ZNF585A: variants seen among roughly 807,000 people sequenced by gnomAD.
The protein encoded by ZNF585A is zinc finger protein 585A.
ZNF585A carries 9 observed loss-of-function variants against 14.9 expected under a neutral mutation model. The ratio of observed to expected loss-of-function variants is 0.60; its 90% CI spans 0.36 to 1.05. ZNF585A has a LOEUF of 1.05. Ranked by LOEUF, ZNF585A falls within the 50% of genes least tolerant of loss-of-function variation. The pLI is 0.01. For synonymous variants in ZNF585A, 276 were observed against 319.9 expected, an observed-to-expected ratio of 0.86 and a Z score of 1.46; for missense variants, 726 against 926.4, an observed-to-expected ratio of 0.78 and a Z score of 2.81.
At chr19:37,168,065 C>G (rs941851112) in intron 2 of ZNF585A, among the ~76,000 whole-genome samples, 2 of 152,164 alleles carry the variant, frequency 1.3e-5, no homozygotes, top group African/African-American at 4.8e-5. Flanking sequence ...TTCATTTTTA[C>G]TTAATATAGT....
intron 2 of ZNF585A, among the ~76,000 whole-genome samples, chr19:37,159,896 T>C (rs2145407201): frequency 6.6e-6 from 1 of 152,298 alleles, no homozygotes; most frequent in Non-Finnish European, 1.5e-5. Context: ...CAGAGTTCTA[T>C]GTATAGACAG....
At chr19:37,156,954 A>G (rs1013341065) in intron 2 of ZNF585A, among the ~76,000 whole-genome samples, 2 of 152,194 alleles carry the variant, frequency 1.3e-5, no homozygotes, top group Non-Finnish European at 2.9e-5. Flanking sequence ...GGCCTCCCAA[A>G]GTGCTGGGAT....
Position 37,156,524 on chromosome 19 carries a change from C to A in ZNF585A, c.73-169G>T, listed in dbSNP as rs1437927747. Among the ~76,000 whole-genome samples the A allele has an allele frequency of 2.0e-5, 3 of 152,164 alleles. No homozygotes were observed. In the East Asian group the frequency reaches 5.8e-4, roughly 29 times the overall value. ...TTATGAAAATTTTCAAACATACCGA[C>A]AATTTAAAATAATTATGCAGTAAGA... On this transcript the variant is annotated intron_variant, in intron 2 of 4. Coordinates refer to ENST00000292841, the MANE Select transcript of ZNF585A (RefSeq NM_001288800.2).
chr19:37,170,960 A>T (rs1297427263), intron 1 of ZNF585A, among the ~76,000 whole-genome samples: 1 of 152,264 alleles, frequency 6.6e-6, no homozygotes, highest in East Asian at 1.9e-4. Flanking sequence ...AATAAAAACA[A>T]GTAAAACAAT....
At position 37,153,042 on chromosome 19, in the gene ZNF585A, A is replaced by G. The variant is rs763202419; in HGVS notation, c.857T>C (p.Ile286Thr). ...GQAFIQKTHL[I>T]AHRRIHTGEK... Reference sequence around the variant, plus strand: ...TCCAGTATGAATTCTTCGGTGTGCAATCAAATGGGTCTTCTGGATGAAGGC... The same window carrying G: ...TCCAGTATGAATTCTTCGGTGTGCAGTCAAATGGGTCTTCTGGATGAAGGC... The change falls in exon 5 of 5, where the codon ATT becomes ACT. Residue 286 changes from isoleucine to threonine, a missense_variant. Physicochemically the swap from Ile to Thr is moderately conservative, Grantham distance 89. Around this residue, in one of 2 missense-constraint regions of ZNF585A, gnomAD observed 483 missense variants for 542.8 expected, o/e 0.89. Transcript: ENST00000292841. The G allele has an allele frequency of 2.5e-6, 4 of 1,614,058 alleles. No individual in the cohort carries two copies. In the African/African-American group the frequency reaches 4.0e-5, roughly 16 times the overall value.
rs776324324 is a variant in ZNF585A, at chr19:37,149,469, G to A, written c.*2120C>T. On this transcript the variant is annotated 3_prime_UTR_variant, in exon 5 of 5. Transcript: ENST00000292841. ...ATGAGGCTTGGGCATACAGAGGATA[G>A]TCAGATGCTTATGTTGACTGATGAC... 6.6e-6 allele frequency: 1 copy of A among 152,192 alleles called. No homozygotes were observed. Among genetic ancestry groups the A allele is most frequent in the Non-Finnish European group, 1.5e-5 (1 of 68,040 alleles). 9.4% of individuals were successfully genotyped at this position (152,192 alleles called of 1,614,324 possible).
intron 2 of ZNF585A, among the ~76,000 whole-genome samples, chr19:37,165,058 G>A (rs142876256): frequency 3.2e-4 from 49 of 152,282 alleles, no homozygotes; most frequent in African/African-American, 1.2e-3. Context: ...GGTAGTTAAT[G>A]TTCTAGAAAT....
rs1971778223 is a variant in ZNF585A at position 37,148,797 on chromosome 19, A to G, written c.*2792T>C. 1 of 152,218 alleles carries G rather than the reference A, an allele frequency of 6.6e-6. No homozygotes were observed. Among genetic ancestry groups the G allele is most frequent in the Non-Finnish European group, 1.5e-5 (1 of 68,024 alleles). 9.4% of individuals were successfully genotyped at this position (152,218 alleles called of 1,614,324 possible). ...AGTAGGTGAATAAATAAACATCCAG[A>G]CGATGGAACATAATTTGGCTCTAAA... On this transcript the variant is annotated 3_prime_UTR_variant, in exon 5 of 5. Transcript: ENST00000292841.
intron 2 of ZNF585A, among the ~76,000 whole-genome samples, chr19:37,158,847 A>C (rs1246786072): frequency 6.6e-6 from 1 of 152,244 alleles, no homozygotes; most frequent in East Asian, 1.9e-4. Flanking sequence ...GGGAATTCAT[A>C]TCTCTCCGAG....
chr19:37,152,629 G>T lies in ZNF585A; in HGVS notation c.1270C>A (p.His424Asn). 6.2e-7 allele frequency: 1 copy of T among 1,614,042 alleles called. No homozygotes were observed. The highest frequency in any genetic ancestry group is 8.5e-7 in the Non-Finnish European group (1 of 1,179,982). The change falls in exon 5 of 5, where the codon CAC becomes AAC. Residue 424 changes from histidine to asparagine, a missense_variant. Around this residue, in one of 2 missense-constraint regions of ZNF585A, gnomAD observed 483 missense variants for 542.8 expected, o/e 0.89. Coordinates refer to ENST00000292841, the MANE Select transcript of ZNF585A (RefSeq NM_001288800.2). ...KCGLAFIQKA[H>N]LIAHQIIHTG... is the part of the protein sequence containing the mutation. ...TGAATTATTTGATGTGCAATCAAGT[G>T]TGCCTTCTGAATGAAGGCCAGTCCA... is the stretch of plus-strand genomic sequence containing the variant.
chr19:37,148,002 A>C lies in ZNF585A; in HGVS notation c.*3587T>G, dbSNP rs1971767544. On this transcript the variant is annotated 3_prime_UTR_variant, in exon 5 of 5. Transcript: ENST00000292841. ...ACATCTGAGTATAGGTTTTCATGTA[A>C]ACAGAATTTTTCTTTCATCTAGGGT... 6.6e-6 allele frequency: 1 copy of C among 152,182 alleles called. No homozygotes were observed. The highest frequency in any genetic ancestry group is 2.4e-5 in the African/African-American group (1 of 41,444). The allele number at this position is 152,182 out of a possible 1,614,324, so 9.4% of individuals were successfully genotyped here. A position where few individuals can be genotyped will look rare whatever the true frequency, so the allele number is the denominator to read the frequency against.
intron 1 of ZNF585A, among the ~76,000 whole-genome samples, chr19:37,171,987 T>A (rs1972190437): frequency 6.6e-6 from 1 of 152,022 alleles, no homozygotes; most frequent in African/African-American, 2.4e-5. Flanking sequence ...CAAATAACCT[T>A]TCCAGAGTTG....
chr19:37,160,902 C>G lies in ZNF585A; in HGVS notation c.73-4547G>C, dbSNP rs73622770. Among the ~76,000 whole-genome samples the G allele has an allele frequency of 8.5e-3, 1,293 of 152,036 alleles. 19 individuals are homozygous for G. Among genetic ancestry groups the G allele is most frequent in the African/African-American group, 0.03 (1,247 of 41,450 alleles). ...TTTTTTTGTGAGACACGATCTTGCT[C>G]TGTCGTCCAGGCTGAAGAGCAGTGG... On this transcript the variant is annotated intron_variant, in intron 2 of 4. Transcript: ENST00000292841.
At chr19:37,170,120 T>A (rs1306474777) in intron 1 of ZNF585A, 66 bp from the exon 2 acceptor site, 5 of 543,666 alleles carry the variant, frequency 9.2e-6, no homozygotes, top group Non-Finnish European at 1.6e-5. Flanking sequence ...CCTGGATATA[T>A]CAAGGTGCAG....
intron 2 of ZNF585A, among the ~76,000 whole-genome samples, chr19:37,159,035 G>A (rs924722401): frequency 2.0e-5 from 3 of 152,012 alleles, no homozygotes; most frequent in Non-Finnish European, 4.4e-5. Flanking sequence ...ATTGCTTGAG[G>A]TTGGGGGTTT....
chr19:37,146,041 G>A lies in ZNF585A; in HGVS notation c.*5548C>T, dbSNP rs1361069071. ...CATGGTGTACGGTATGGTACGGTAT[G>A]AGGAATGTGGAGTAGAGTGTGGTGG... On this transcript the variant is annotated 3_prime_UTR_variant, in exon 5 of 5. Coordinates refer to ENST00000292841, the MANE Select transcript of ZNF585A (RefSeq NM_001288800.2). The A allele has an allele frequency of 2.0e-5, 3 of 152,180 alleles. No homozygotes were observed. Among genetic ancestry groups the A allele is most frequent in the African/African-American group, 7.2e-5 (3 of 41,442 alleles). 9.4% of individuals were successfully genotyped at this position (152,180 alleles called of 1,614,324 possible).
chr19:37,169,366 A>T (rs992358300), intron 2 of ZNF585A, among the ~76,000 whole-genome samples: 32 of 151,916 alleles, frequency 2.1e-4, no homozygotes, highest in African/African-American at 7.5e-4. Flanking sequence ...CCTGAAAAAG[A>T]GAGCAGCAAA....
rs887822656 is a variant in ZNF585A, at chr19:37,149,732, G to A, written c.*1857C>T. The A allele has an allele frequency of 9.2e-5, 14 of 152,212 alleles. No individual in the cohort carries two copies. Among genetic ancestry groups the A allele is most frequent in the African/African-American group, 3.1e-4 (13 of 41,416 alleles). The allele number at this position is 152,212 out of a possible 1,614,324, so 9.4% of individuals were successfully genotyped here. A position where few individuals can be genotyped will look rare whatever the true frequency, so the allele number is the denominator to read the frequency against. ...CACACCATACTCATGTAGTAGACAG[G>A]AAGCCCAGCTTGTGGTCTCCTGAGA... is the stretch of plus-strand genomic sequence containing the variant. On this transcript the variant is annotated 3_prime_UTR_variant, in exon 5 of 5. Coordinates refer to ENST00000292841, the MANE Select transcript of ZNF585A (RefSeq NM_001288800.2).
At chr19:37,158,537 T>G (rs534105335) in intron 2 of ZNF585A, among the ~76,000 whole-genome samples, 2 of 152,324 alleles carry the variant, frequency 1.3e-5, no homozygotes, top group Admixed American at 6.5e-5. Flanking sequence ...TGAAACGTAC[T>G]GAACAATATG....
Sources: gnomAD v4.1 joint callset for allele counts (sites outside exome capture counted in the v4.1 genomes callset) on GRCh38, gnomAD v4.1.1 for gene constraint, gnomAD v4.1.1 regional missense constraint, MANE v1.5 for transcripts, NCBI Gene and HGNC (gene_info 2026-07-23, HGNC 2026-07-21) for gene names.